The following FARP1 variants were observed in gnomAD, a reference collection of about 807,000 sequenced individuals.
FARP1 encodes FERM, ARHGEF and pleckstrin domain-containing protein 1.
FARP1 carries 52 observed loss-of-function variants against 128.8 expected under a neutral mutation model. That is an observed-to-expected ratio of 0.40 (90% confidence interval 0.32 to 0.51). FARP1 has a LOEUF of 0.51. Among genes scored for constraint, FARP1 ranks in the 20% least tolerant of loss-of-function variants. The pLI is 0.45. For missense variants in FARP1, 1,333 were observed against 1,367.9 expected, an observed-to-expected ratio of 0.97 and a Z score of 0.40; for synonymous variants, 580 against 551.8, an observed-to-expected ratio of 1.05 and a Z score of -0.72.
intron 2 of FARP1, among the ~76,000 whole-genome samples, chr13:98,321,399 A>G (rs1278494910): frequency 6.6e-6 from 1 of 152,262 alleles, no homozygotes; most frequent in East Asian, 1.9e-4. Context: ...ACCCACGCTT[A>G]GACAAATGGT....
chr13:98,380,573 T>C (rs1889853353), intron 6 of FARP1, among the ~76,000 whole-genome samples: 2 of 152,084 alleles, frequency 1.3e-5, no homozygotes, highest in Admixed American at 1.3e-4. Flanking sequence ...TCACTATAAA[T>C]ATATCCCCCC....
rs12431262 is a variant in FARP1 at position 98,228,596 on chromosome 13, G to A, written c.171+15183G>A. The stretch of plus-strand genomic sequence containing the variant: ...CGTTAGTTACCATTTTATGGATCTC[G>A]CCTTACAGATCCATCAGACCCTTTA... On this transcript the variant is annotated intron_variant, in intron 2 of 26. Transcript: ENST00000319562. 0.034 allele frequency among the ~76,000 whole-genome samples: 5,249 copies of A among 152,206 alleles called. 766 individuals are homozygous for A. The East Asian group carries it at 0.49, about 14-fold the overall frequency.
intron 8 of FARP1, among the ~76,000 whole-genome samples, chr13:98,387,034 C>T (rs1029422877): frequency 2.6e-5 from 4 of 152,150 alleles, no homozygotes; most frequent in African/African-American, 9.7e-5. Flanking sequence ...GGCGCGGTCG[C>T]TCACACCTGT....
chr13:98,403,092 T>C (rs1890837407), intron 13 of FARP1: 1 of 151,862 alleles, frequency 6.6e-6, no homozygotes, highest in African/African-American at 2.4e-5. Flanking sequence ...ATGTCTTTTT[T>C]TTTTTTTTTA....
At chr13:98,445,043 C>CA (rs1417764704) in intron 24 of FARP1, 1 of 152,496 alleles carries the variant, frequency 6.6e-6, no homozygotes, top group East Asian at 1.9e-4. Context: ...TGCAGCCCCT[C>CA]ACGGACCTAC....
rs34532263 is a variant in FARP1 at position 98,408,322 on chromosome 13, C to CTTTTTT, written c.1415-998_1415-993dup. ...GCTGACTCATAGCGGGTAATATATA[C>CTTTTTT]TTTTTTTTTTTTTTTTTTTTTTTGA... On this transcript the variant is annotated intron_variant, in intron 13 of 26. Transcript: ENST00000319562. Among the ~76,000 whole-genome samples, 24 of 90,164 alleles carry CTTTTTT rather than the reference C, an allele frequency of 2.7e-4. 2 individuals carry two copies. The highest frequency in any genetic ancestry group is 4.1e-4 in the Non-Finnish European group (20 of 48,762). The allele number at this position is 90,164 out of a possible 152,430, so 59.2% of individuals were successfully genotyped here. A position where few individuals can be genotyped will look rare whatever the true frequency, so the allele number is the denominator to read the frequency against.
chr13:98,237,030 G>A (rs1417235411), intron 2 of FARP1, among the ~76,000 whole-genome samples: 7 of 151,574 alleles, frequency 4.6e-5, no homozygotes, highest in Non-Finnish European at 7.4e-5. Flanking sequence ...TAGGCCGGGC[G>A]CGTGTGGCTC....
chr13:98,214,359 G>A (rs1056731140), intron 2 of FARP1, among the ~76,000 whole-genome samples: 14 of 151,998 alleles, frequency 9.2e-5, no homozygotes, highest in Admixed American at 6.6e-5. Context: ...CTAGTATTTT[G>A]GGTTTTCTGT....
chr13:98,358,933 G>A (rs1256111913), intron 3 of FARP1, among the ~76,000 whole-genome samples: 5 of 152,132 alleles, frequency 3.3e-5, no homozygotes, highest in African/African-American at 7.2e-5. Context: ...CACCGCGCAC[G>A]GCTCTTTCTT....
chr13:98,340,057 A>T (rs886907675), intron 2 of FARP1, among the ~76,000 whole-genome samples: 1 of 151,890 alleles, frequency 6.6e-6, no homozygotes, highest in Non-Finnish European at 1.5e-5. Context: ...CACCATGTCC[A>T]TAAAGACATC....
Position 98,282,849 on chromosome 13 carries a change from A to G in FARP1, c.172-60913A>G, listed in dbSNP as rs372898676. Reference sequence around the variant, plus strand: ...CCAGGAGGTGAAGGTTGCAGTGAGCAGAGATCACGCCACTGCACTCCGGCC... The same window carrying G: ...CCAGGAGGTGAAGGTTGCAGTGAGCGGAGATCACGCCACTGCACTCCGGCC... On this transcript the variant is annotated intron_variant, in intron 2 of 26. Coordinates refer to ENST00000319562, the MANE Select transcript of FARP1 (RefSeq NM_005766.4). 5.6e-4 allele frequency among the ~76,000 whole-genome samples: 85 copies of G among 152,254 alleles called. 1 individual carries two copies. The East Asian group carries it at 0.014, about 24-fold the overall frequency.
At chr13:98,262,521 C>G (rs11617852) in intron 2 of FARP1, among the ~76,000 whole-genome samples, 6,707 of 152,180 alleles carry the variant, frequency 0.044, 210 homozygotes, top group Non-Finnish European at 0.066. Context: ...AGGAGACTCG[C>G]AAAGACTGGC....
chr13:98,265,486 A>AT (rs1239899593), intron 2 of FARP1, among the ~76,000 whole-genome samples: 2 of 149,974 alleles, frequency 1.3e-5, no homozygotes, highest in African/African-American at 2.5e-5. Flanking sequence ...CGCCCGGCTA[A>AT]TTTTTTGTAT....
Position 98,378,055 on chromosome 13 carries a change from C to T in FARP1, c.496+137C>T, listed in dbSNP as rs79236457. 3.9e-3 allele frequency: 2,563 copies of T among 649,012 alleles called. 45 individuals carry two copies. The African/African-American group carries it at 0.042, about 11-fold the overall frequency. 40.2% of individuals were successfully genotyped at this position (649,012 alleles called of 1,614,324 possible). ...TTTTTGCTGTTCGTATGAAGGCCTACGGGTGGAAGAGAAAAACAATACTCC... is the reference window on the plus strand; with the variant it reads ...TTTTTGCTGTTCGTATGAAGGCCTATGGGTGGAAGAGAAAAACAATACTCC... On this transcript the variant is annotated intron_variant, in intron 6 of 26. Coordinates refer to ENST00000319562, the MANE Select transcript of FARP1 (RefSeq NM_005766.4).
At chr13:98,159,043 C>T (rs1001973898) in intron 1 of FARP1, among the ~76,000 whole-genome samples, 1 of 152,120 alleles carries the variant, frequency 6.6e-6, no homozygotes, top group Non-Finnish European at 1.5e-5. Context: ...AGAGAAATCC[C>T]GGTGATCTGC....
intron 2 of FARP1, among the ~76,000 whole-genome samples, chr13:98,257,781 G>GA (rs1048752409): frequency 1.3e-5 from 2 of 151,434 alleles, no homozygotes; most frequent in African/African-American, 2.4e-5. Context: ...AGGGGGAAAA[G>GA]AAAAAAAAGT....
chr13:98,279,087 G>A (rs1308870044), intron 2 of FARP1, among the ~76,000 whole-genome samples: 1 of 151,044 alleles, frequency 6.6e-6, no homozygotes, highest in Non-Finnish European at 1.5e-5. Context: ...TGCCCGCCTC[G>A]GCCTCCCAAA....
At chr13:98,177,273 T>A in intron 1 of FARP1, 2 of 1,496,654 alleles carry the variant, frequency 1.3e-6, no homozygotes, top group Non-Finnish European at 9.0e-7. Flanking sequence ...GTGGCGTGCG[T>A]CACCCTTGCG....
intron 5 of FARP1, among the ~76,000 whole-genome samples, chr13:98,368,644 A>T (rs758123164): frequency 1.1e-4 from 16 of 152,342 alleles, no homozygotes; most frequent in Non-Finnish European, 2.2e-4. Flanking sequence ...GGCTTCGGCC[A>T]CCATCCTGCC....
Sources: gnomAD v4.1 joint callset for allele counts (sites outside exome capture counted in the v4.1 genomes callset) on GRCh38, gnomAD v4.1.1 for gene constraint, MANE v1.5 for transcripts, NCBI Gene and HGNC (gene_info 2026-07-23, HGNC 2026-07-21) for gene names.